TMED8: variants seen among roughly 807,000 people sequenced by gnomAD.
The protein encoded by TMED8 is protein TMED8.
TMED8 carries 15 observed loss-of-function variants against 32.7 expected under a neutral mutation model. The ratio of observed to expected loss-of-function variants is 0.46; its 90% confidence interval spans 0.31 to 0.71. The LOEUF is 0.71. Ranked by LOEUF, TMED8 falls within the 30% of genes least tolerant of loss-of-function variation. The probability of loss-of-function intolerance (pLI) is 0.06; values close to 1 mark genes in which losing one functional copy is unlikely to be tolerated. For missense variants in TMED8, 390 were observed against 423.9 expected, an observed-to-expected ratio of 0.92 and a Z score of 0.70; for synonymous variants, 147 against 161.4, an observed-to-expected ratio of 0.91 and a Z score of 0.68.
Position 77,336,033 on chromosome 14 carries a change from A to T in TMED8, c.*5738T>A, listed in dbSNP as rs1192933319. Reference sequence around the variant, plus strand: ...ACATTCAACCCTGAGTGATGAAGAGAGTTCAGGAAGAGAGCCCCTTAAACT... The same window carrying T: ...ACATTCAACCCTGAGTGATGAAGAGTGTTCAGGAAGAGAGCCCCTTAAACT... On this transcript the variant is annotated 3_prime_UTR_variant, in exon 6 of 6. Transcript: ENST00000216468. 1.3e-5 allele frequency: 2 copies of T among 152,198 alleles called. No individual in the cohort carries two copies. Among genetic ancestry groups the T allele is most frequent in the Non-Finnish European group, 2.9e-5 (2 of 68,048 alleles). The allele number at this position is 152,198 out of a possible 1,614,324, so 9.4% of individuals were successfully genotyped here. A position where few individuals can be genotyped will look rare whatever the true frequency, so the allele number is the denominator to read the frequency against.
In TMED8 at chr14:77,344,996, A is replaced by T. The variant is rs537006334; in HGVS notation, c.328-1173T>A. Among the ~76,000 whole-genome samples, 120 of 152,050 alleles carry T rather than the reference A, an allele frequency of 7.9e-4. 1 individual carries two copies. The highest frequency in any genetic ancestry group is 2.4e-3 in the African/African-American group (100 of 41,430). ...CTCAGTTTCCTCATTTCTTTCTTTCATTCCTTTTGAGACAGAGTTTTGCTC... is the reference window on the plus strand; with the variant it reads ...CTCAGTTTCCTCATTTCTTTCTTTCTTTCCTTTTGAGACAGAGTTTTGCTC... On this transcript the variant is annotated intron_variant, in intron 3 of 5. Transcript: ENST00000216468.
intron 1 of TMED8, among the ~76,000 whole-genome samples, chr14:77,354,357 C>CT (rs1346591585): frequency 6.6e-6 from 1 of 152,150 alleles, no homozygotes; most frequent in Non-Finnish European, 1.5e-5. Context: ...TTAAAATAGA[C>CT]TTTTGGAAAA....
chr14:77,357,198 G>A (rs1893310039), intron 1 of TMED8, among the ~76,000 whole-genome samples: 1 of 152,076 alleles, frequency 6.6e-6, no homozygotes, highest in African/African-American at 2.4e-5. Flanking sequence ...TTTTGTTCTT[G>A]CAAGAATATT....
intron 1 of TMED8, among the ~76,000 whole-genome samples, chr14:77,375,652 T>G (rs529583226): frequency 1.3e-5 from 2 of 151,750 alleles, no homozygotes; most frequent in South Asian, 4.2e-4. Context: ...GCTGGGTGAG[T>G]TGTGTGTGTG....
intron 1 of TMED8, among the ~76,000 whole-genome samples, chr14:77,374,670 C>T (rs1893772624): frequency 6.6e-6 from 1 of 152,194 alleles, no homozygotes; most frequent in Non-Finnish European, 1.5e-5. Flanking sequence ...TCAAACTCAG[C>T]AAATATTTGC....
chr14:77,372,983 T>A (rs1428138203), intron 1 of TMED8, among the ~76,000 whole-genome samples: 7 of 105,878 alleles, frequency 6.6e-5, no homozygotes, highest in African/African-American at 1.5e-4. Flanking sequence ...TTTTTTTTTT[T>A]GAGACAGCGT....
At chr14:77,346,178 T>C in intron 3 of TMED8, among the ~76,000 whole-genome samples, 171 bp downstream of exon 3, 1 of 152,218 alleles carries the variant, frequency 6.6e-6, no homozygotes. Context: ...CTGTGGAAGA[T>C]ACAAATAATC....
intron 1 of TMED8, chr14:77,359,475 A>G (rs192896896): frequency 2.7e-4 from 64 of 236,372 alleles, no homozygotes; most frequent in African/African-American, 1.4e-3. Context: ...AGAAATACCA[A>G]TGATGAAACA....
Position 77,376,901 on chromosome 14 carries a change from C to G in TMED8, c.118+35G>C. 1 of 1,289,370 alleles carries G rather than the reference C, an allele frequency of 7.8e-7. No homozygotes were observed. The allele number at this position is 1,289,370 out of a possible 1,614,324, so 79.9% of individuals were successfully genotyped here. On this transcript the variant is annotated intron_variant, in intron 1 of 5. Coordinates refer to ENST00000216468, the MANE Select transcript of TMED8 (RefSeq NM_213601.3). The surrounding 1 kb of genome is among the most constrained non-coding windows in gnomAD (Gnocchi z 4.0). ...CGTGGTGCGGGGCCCTGAGGCCGGG[C>G]GGCACCCACCCGCCAGCGCCCCGGC...
rs750982771 is a variant in TMED8 at position 77,377,068 on chromosome 14, C to T, written c.-15G>A. On this transcript the variant is annotated 5_prime_UTR_variant, in exon 1 of 6. In the 5' UTR this introduces an upstream ATG that the reference lacks. Transcript: ENST00000216468. Reference sequence around the variant, plus strand: ...AGGTCAGACATCTGCAGCCCGCGCACGGAGCTCTCCGCTGCCAGCCGCGAG... The same window carrying T: ...AGGTCAGACATCTGCAGCCCGCGCATGGAGCTCTCCGCTGCCAGCCGCGAG... 7.5e-7 allele frequency: 1 copy of T among 1,336,404 alleles called. No homozygotes were observed. The highest frequency in any genetic ancestry group is 9.6e-7 in the Non-Finnish European group (1 of 1,042,208). 82.8% of individuals were successfully genotyped at this position (1,336,404 alleles called of 1,614,324 possible).
intron 1 of TMED8, among the ~76,000 whole-genome samples, chr14:77,372,906 T>TTTATATA (rs1227686477): frequency 1.1e-4 from 4 of 35,332 alleles, no homozygotes; most frequent in African/African-American, 1.9e-4. Context: ...GCCACAGATA[T>TTTATATA]TATATATATA....
intron 1 of TMED8, among the ~76,000 whole-genome samples, chr14:77,354,976 G>A (rs1044295989): frequency 1.3e-5 from 2 of 151,770 alleles, no homozygotes; most frequent in Non-Finnish European, 2.9e-5. Flanking sequence ...AAAGACAAGA[G>A]GTTTCTTTAT....
intron 1 of TMED8, among the ~76,000 whole-genome samples, chr14:77,374,353 A>G (rs1893766231): frequency 6.6e-6 from 1 of 152,244 alleles, no homozygotes; most frequent in Non-Finnish European, 1.5e-5. Context: ...ACTCTAACAC[A>G]GCGTTCCCAA....
chr14:77,335,388 A>C lies in TMED8; in HGVS notation c.*6383T>G, dbSNP rs1024746796. Reference sequence around the variant, plus strand: ...TTTTGTATTTTAAAGAAAAAAGATAAAACAGTGACACGGTTTCCCTTCCAG... The same window carrying C: ...TTTTGTATTTTAAAGAAAAAAGATACAACAGTGACACGGTTTCCCTTCCAG... On this transcript the variant is annotated 3_prime_UTR_variant, in exon 6 of 6. Transcript: ENST00000216468. 1 of 152,244 alleles carries C rather than the reference A, an allele frequency of 6.6e-6. No homozygotes were observed. Among genetic ancestry groups the C allele is most frequent in the African/African-American group, 2.4e-5 (1 of 41,462 alleles). 9.4% of individuals were successfully genotyped at this position (152,244 alleles called of 1,614,324 possible). A position where few individuals can be genotyped will look rare whatever the true frequency, so the allele number is the denominator to read the frequency against.
At chr14:77,363,129 A>G (rs555706686) in intron 1 of TMED8, among the ~76,000 whole-genome samples, 17 of 152,250 alleles carry the variant, frequency 1.1e-4, no homozygotes, top group Non-Finnish European at 2.2e-4. Context: ...AAATGGGCCC[A>G]ATTTTCCATA....
intron 1 of TMED8, among the ~76,000 whole-genome samples, chr14:77,352,232 C>A (rs1205038659): frequency 6.6e-6 from 1 of 151,742 alleles, no homozygotes; most frequent in East Asian, 1.9e-4. Flanking sequence ...CTGATCAACA[C>A]AGTGAAACCC....
At chr14:77,369,117 TTAGAA>T (rs148560241) in intron 1 of TMED8, among the ~76,000 whole-genome samples, 33,187 of 152,082 alleles carry the variant, frequency 0.22, 3,762 homozygotes, top group Admixed American at 0.29. Context: ...TTCCTTTCTC[TTAGAA>T]TATTCAATTG....
At chr14:77,349,798 G>C (rs893412641) in intron 2 of TMED8, among the ~76,000 whole-genome samples, 1 of 152,168 alleles carries the variant, frequency 6.6e-6, no homozygotes, top group African/African-American at 2.4e-5. Context: ...CTGGCTTTTA[G>C]ATTTTAACAC....
chr14:77,361,332 T>C lies in TMED8; in HGVS notation c.119-9581A>G, dbSNP rs868585175. On this transcript the variant is annotated intron_variant, in intron 1 of 5. Transcript: ENST00000216468. ...ATCCAGTTTTCCCAGAACCATTTAT[T>C]GAAGAGACTATCTTTTCCCCACTGT... Among the ~76,000 whole-genome samples, 6 of 152,322 alleles carry C rather than the reference T, an allele frequency of 3.9e-5. No individual in the cohort carries two copies. The South Asian group carries it at 1.0e-3, about 26-fold the overall frequency.
Sources: allele counts gnomAD v4.1 joint callset (sites outside exome capture counted in the v4.1 genomes callset), GRCh38; gene constraint gnomAD v4.1.1; non-coding constraint Gnocchi (gnomAD v3.1); transcripts MANE v1.5; gene names NCBI Gene and HGNC (gene_info 2026-07-23, HGNC 2026-07-21).